FAT4: variants seen among roughly 807,000 people sequenced by gnomAD.
FAT4 encodes the protein FAT atypical cadherin 4, also known as protocadherin Fat 4.
Under a neutral mutation model 303.9 loss-of-function variants are expected in FAT4, and 84 were observed. The ratio of observed to expected loss-of-function variants is 0.28; its 90% CI spans 0.23 to 0.33. FAT4 has a LOEUF of 0.33. Among genes scored for constraint, FAT4 ranks in the 10% least tolerant of loss-of-function variants. FAT4 has a pLI of 1.00. For missense variants in FAT4, 6,005 were observed against 6,146.8 expected, an observed-to-expected ratio of 0.98 and a Z score of 0.77; for synonymous variants, 2,307 against 2,298.8, an observed-to-expected ratio of 1.00 and a Z score of -0.10.
In FAT4 at chr4:125,317,445, AC is replaced by A; in HGVS notation, c.1035del (p.Asp345GlufsTer2). ...GCCGAGGCGCTGATTCAGCTGCTGG[AC>A]GTGAATGACAATGACCCGGTAGTGA... ...GRAEALIQLL[D>X]VNDNDPVVKF... On this transcript the variant is annotated frameshift_variant, in exon 2 of 18. Coordinates refer to ENST00000394329, the MANE Select transcript of FAT4 (RefSeq NM_001291303.3). LOFTEE classifies it high-confidence loss of function. This position sits in a 1 kb window ranked among gnomAD's most constrained non-coding sequence, Gnocchi z 7.0. The A allele has an allele frequency of 6.2e-7, 1 of 1,613,602 alleles. No homozygotes were observed. Among genetic ancestry groups the A allele is most frequent in the South Asian group, 1.1e-5 (1 of 91,084 alleles).
At chr4:125,326,606 G>A (rs1164199555) in intron 2 of FAT4, among the ~76,000 whole-genome samples, 1 of 152,116 alleles carries the variant, frequency 6.6e-6, no homozygotes, top group Non-Finnish European at 1.5e-5. Flanking sequence ...ACTTCACAAT[G>A]CATCCTCATA....
At chr4:125,464,931 T>A (rs543125450) in intron 11 of FAT4, among the ~76,000 whole-genome samples, 11 of 152,174 alleles carry the variant, frequency 7.2e-5, no homozygotes, top group Admixed American at 2.0e-4. Flanking sequence ...CTATAGTAGA[T>A]AATAGAATTT....
intron 7 of FAT4, among the ~76,000 whole-genome samples, chr4:125,431,518 T>C (rs1001014469): frequency 5.9e-5 from 9 of 152,222 alleles, no homozygotes; most frequent in Non-Finnish European, 1.0e-4. Context: ...TGACTTTTTA[T>C]AGTCAATTTC....
At chr4:125,457,607 A>G (rs1254167370) in intron 10 of FAT4, among the ~76,000 whole-genome samples, 1 of 152,062 alleles carries the variant, frequency 6.6e-6, no homozygotes, top group East Asian at 1.9e-4. Context: ...TTCATTATTA[A>G]GAAAATTTTC....
intron 16 of FAT4, among the ~76,000 whole-genome samples, chr4:125,484,058 CAT>C (rs1366655127): frequency 3.6e-4 from 29 of 80,932 alleles, no homozygotes; most frequent in African/African-American, 6.7e-4. Flanking sequence ...TACAGACACA[CAT>C]ACACACACAC....
Position 125,316,368 on chromosome 4 carries a change from A to C in FAT4, c.-12-32A>C, listed in dbSNP as rs780994798. The C allele has an allele frequency of 1.3e-6, 2 of 1,547,258 alleles. No individual in the cohort carries two copies. Among genetic ancestry groups the C allele is most frequent in the Admixed American group, 3.9e-5 (2 of 51,438 alleles). On this transcript the variant is annotated intron_variant, in intron 1 of 17. Transcript: ENST00000394329. The surrounding 1 kb of genome is among the most constrained non-coding windows in gnomAD (Gnocchi z 5.7). ...CTGTAAATATCATTGCGTTTGCTTC[A>C]CCCCTTCCTTCTCTTTATCACATCG...
Position 125,468,627 on chromosome 4 carries a change from T to TA in FAT4, c.12025dup (p.Ser4009LysfsTer10). On this transcript the variant is annotated frameshift_variant, in exon 12 of 18. Coordinates refer to ENST00000394329, the MANE Select transcript of FAT4 (RefSeq NM_001291303.3). LOFTEE classifies it high-confidence loss of function. ...ATATTTATGTCAAATTTGCCACGATTAAAAGTCATGCCTTATTGCTTTACA... is the reference window on the plus strand; with the variant it reads ...ATATTTATGTCAAATTTGCCACGATTAAAAAGTCATGCCTTATTGCTTTACA... The TA allele has an allele frequency of 6.2e-7, 1 of 1,614,142 alleles. No individual in the cohort carries two copies. The highest frequency in any genetic ancestry group is 8.5e-7 in the Non-Finnish European group (1 of 1,180,016).
intron 7 of FAT4, among the ~76,000 whole-genome samples, chr4:125,432,603 A>C (rs906797275): frequency 6.7e-6 from 1 of 148,940 alleles, no homozygotes; most frequent in Non-Finnish European, 1.5e-5. Flanking sequence ...GCAAGTACTA[A>C]AAAGGCATTT....
At chr4:125,359,789 C>T (rs28470662) in intron 2 of FAT4, among the ~76,000 whole-genome samples, 286 of 152,212 alleles carry the variant, frequency 1.9e-3, no homozygotes, top group African/African-American at 6.5e-3. Flanking sequence ...AATGCCCTTA[C>T]GTTTTTGCCT....
In FAT4 at chr4:125,463,285, A is replaced by G. The variant is rs1171001031; in HGVS notation, c.11801-278A>G. 3.3e-5 allele frequency among the ~76,000 whole-genome samples: 5 copies of G among 152,120 alleles called. 1 individual carries two copies. The South Asian group carries it at 6.2e-4, about 19-fold the overall frequency. ...ATAAATTCAGTGAAAGCATTTAAAT[A>G]TGTTTATCATGTCATTTCTCTGCAA... On this transcript the variant is annotated intron_variant, in intron 10 of 17. Transcript: ENST00000394329.
At chr4:125,470,183 A>T (rs1251236746) in intron 12 of FAT4, among the ~76,000 whole-genome samples, 1 of 152,206 alleles carries the variant, frequency 6.6e-6, no homozygotes, top group Non-Finnish European at 1.5e-5. Context: ...AGGCTAAAAA[A>T]TATTCAATAA....
Position 125,491,588 on chromosome 4 carries a change from G to T in FAT4, c.14772G>T (p.Gly4924=), listed in dbSNP as rs755662018. 2 of 1,614,192 alleles carry T rather than the reference G, an allele frequency of 1.2e-6. No individual in the cohort carries two copies. Among genetic ancestry groups the T allele is most frequent in the East Asian group, 4.5e-5 (2 of 44,866 alleles). ...ACAACACACTGCCCATGAAGCTAGGGCAGCAAGCAGGGACTTTCAACTGGG... is the reference window on the plus strand; with the variant it reads ...ACAACACACTGCCCATGAAGCTAGGTCAGCAAGCAGGGACTTTCAACTGGG... ...TADNTLPMKL[G]QQAGTFNWDN... is the part of the protein sequence containing the mutation. The change falls in exon 18 of 18, where the codon GGG becomes GGT. Residue 4924 remains glycine, a synonymous_variant. Coordinates refer to ENST00000394329, the MANE Select transcript of FAT4 (RefSeq NM_001291303.3).
intron 2 of FAT4, among the ~76,000 whole-genome samples, chr4:125,343,100 A>C (rs1578541181): frequency 6.6e-6 from 1 of 152,180 alleles, no homozygotes. Flanking sequence ...TTTTAAAATC[A>C]TATTCATATT....
intron 5 of FAT4, among the ~76,000 whole-genome samples, chr4:125,411,736 AT>A (rs201607686): frequency 0.054 from 7,931 of 147,968 alleles, 229 homozygotes; most frequent in Middle Eastern, 0.1. Flanking sequence ...ATTTATATAT[AT>A]TTTTATATAT....
chr4:125,450,229 C>T lies in FAT4; in HGVS notation c.9219C>T (p.Ser3073=). 1.2e-6 allele frequency: 2 copies of T among 1,613,986 alleles called. No individual in the cohort carries two copies. Among genetic ancestry groups the T allele is most frequent in the Non-Finnish European group, 1.7e-6 (2 of 1,179,990 alleles). ...ATAAGGGAAACCCTCCACTTTCTTC[C>T]CAAGCAACTGTTCACATAACTGTCA... ...AKDKGNPPLS[S]QATVHITVTE... is the part of the protein sequence containing the mutation. The change falls in exon 10 of 18, where the codon TCC becomes TCT. Residue 3073 remains serine (S), a synonymous_variant. Transcript: ENST00000394329.
rs1560615753 is a variant in FAT4, at chr4:125,450,448, T to G, written c.9438T>G (p.Gly3146=). 6.2e-7 allele frequency: 1 copy of G among 1,614,076 alleles called. No homozygotes were observed. ...TTTTTGCAATCAATTCTTCTACAGGTATATTAACACTAGCCAAAGCTCTTG... is the reference window on the plus strand; with the variant it reads ...TTTTTGCAATCAATTCTTCTACAGGGATATTAACACTAGCCAAAGCTCTTG... ...EGIFAINSST[G]ILTLAKALDY... Residue 3146 remains glycine (G), a synonymous_variant, in exon 10 of 18, where the codon GGT becomes GGG. Coordinates refer to ENST00000394329, the MANE Select transcript of FAT4 (RefSeq NM_001291303.3).
chr4:125,331,150 T>G (rs1313150789), intron 2 of FAT4, among the ~76,000 whole-genome samples: 2 of 152,298 alleles, frequency 1.3e-5, no homozygotes, highest in East Asian at 1.9e-4. Context: ...ATATGTTACT[T>G]GTTTATTCTG....
At chr4:125,340,579 G>A (rs1257833173) in intron 2 of FAT4, among the ~76,000 whole-genome samples, 1 of 152,070 alleles carries the variant, frequency 6.6e-6, no homozygotes, top group African/African-American at 2.4e-5. Context: ...GTAGAGACGG[G>A]GTTTCACCGT....
At position 125,452,643 on chromosome 4, in the gene FAT4, C is replaced by G. The variant is rs1341466693; in HGVS notation, c.11633C>G (p.Thr3878Ser). 1.2e-6 allele frequency: 2 copies of G among 1,614,054 alleles called. No individual in the cohort carries two copies. Among genetic ancestry groups the G allele is most frequent in the Admixed American group, 1.7e-5 (1 of 60,014 alleles). ...CLPSPCHSGG[T>S]CHNLVGGFSC... ...CCATCACCTTGCCACAGTGGTGGAA[C>G]CTGTCACAATTTAGTGGGAGGATTT... Residue 3878 changes from threonine (T) to serine (S), a missense_variant, in exon 10 of 18, where the codon ACC (threonine) becomes AGC (serine). Thr to Ser is a moderately conservative substitution (Grantham distance 58, BLOSUM62 1). Transcript: ENST00000394329.
Sources: gnomAD v4.1 joint callset for allele counts (sites outside exome capture counted in the v4.1 genomes callset) on GRCh38, gnomAD v4.1.1 for gene constraint, Gnocchi (gnomAD v3.1) non-coding constraint, MANE v1.5 for transcripts, NCBI Gene and HGNC (gene_info 2026-07-23, HGNC 2026-07-21) for gene names.